Variants in DPYSL3 observed in about 807,000 individuals in gnomAD.
DPYSL3 encodes dihydropyrimidinase-related protein 3.
Under a neutral mutation model 66.1 loss-of-function variants are expected in DPYSL3, and 16 were observed. The ratio of observed to expected loss-of-function variants is 0.24; its 90% CI spans 0.16 to 0.37. The LOEUF (loss-of-function observed/expected upper bound fraction) is 0.37, where lower values mean the gene tolerates loss of function less well. Among genes scored for constraint, DPYSL3 ranks in the 10% least tolerant of loss-of-function variants. The pLI is 1.00. For missense variants in DPYSL3, 738 were observed against 916.2 expected (o/e 0.81, Z 2.51); for synonymous variants, 338 against 345.1 (o/e 0.98, Z 0.23).
At chr5:147,484,999 A>G (rs1344395885) in intron 1 of DPYSL3, among the ~76,000 whole-genome samples, 3 of 152,178 alleles carry the variant, frequency 2.0e-5, no homozygotes, top group African/African-American at 7.2e-5. Context: ...TTATATTTGT[A>G]TATTTTCCTA....
At chr5:147,420,266 A>G (rs1301539835) in intron 2 of DPYSL3, among the ~76,000 whole-genome samples, 1 of 152,166 alleles carries the variant, frequency 6.6e-6, no homozygotes, top group Non-Finnish European at 1.5e-5. Context: ...CCTCCTCCAT[A>G]GGGTTGTGCT....
intron 8 of DPYSL3, among the ~76,000 whole-genome samples, chr5:147,404,865 C>A (rs1046812585): frequency 5.9e-5 from 9 of 152,148 alleles, no homozygotes; most frequent in Non-Finnish European, 1.0e-4. Context: ...GTCTCAGTGG[C>A]TCAGGAGGTG....
At chr5:147,434,793 G>A (rs1202063751) in intron 1 of DPYSL3, among the ~76,000 whole-genome samples, 2 of 152,180 alleles carry the variant, frequency 1.3e-5, no homozygotes, top group Admixed American at 1.3e-4. Flanking sequence ...GAGCACTGAA[G>A]TGGCTCAGAG....
chr5:147,416,732 A>G (rs1332009951), intron 3 of DPYSL3, among the ~76,000 whole-genome samples: 1 of 152,196 alleles, frequency 6.6e-6, no homozygotes, highest in Non-Finnish European at 1.5e-5. Context: ...ATTCCTAGGG[A>G]AATAAATGAG....
chr5:147,420,210 C>T (rs1752051227), intron 2 of DPYSL3, among the ~76,000 whole-genome samples: 2 of 152,150 alleles, frequency 1.3e-5, no homozygotes, highest in African/African-American at 4.8e-5. Context: ...GGCCAAATTA[C>T]CTTACCATGC....
At chr5:147,488,525 T>C (rs1383189811) in intron 1 of DPYSL3, among the ~76,000 whole-genome samples, 1 of 152,128 alleles carries the variant, frequency 6.6e-6, no homozygotes, top group East Asian at 1.9e-4. Context: ...ATTACCAGCC[T>C]GGGCAACATA....
intron 5 of DPYSL3, among the ~76,000 whole-genome samples, chr5:147,413,147 T>G (rs775040456): frequency 6.6e-6 from 1 of 152,166 alleles, no homozygotes; most frequent in Non-Finnish European, 1.5e-5. Flanking sequence ...GGGAATTCAT[T>G]TCTTGTATTT....
intron 1 of DPYSL3, among the ~76,000 whole-genome samples, chr5:147,485,889 A>G (rs1328141047): frequency 6.6e-6 from 1 of 152,240 alleles, no homozygotes; most frequent in East Asian, 1.9e-4. Context: ...TAATTAATGT[A>G]AAGTGCTTTA....
intron 1 of DPYSL3, among the ~76,000 whole-genome samples, chr5:147,436,502 C>T (rs1752416677): frequency 6.6e-6 from 1 of 152,140 alleles, no homozygotes; most frequent in Non-Finnish European, 1.5e-5. Context: ...ATATTATTAA[C>T]ATTGGATGTT....
intron 6 of DPYSL3, among the ~76,000 whole-genome samples, 165 bp downstream of exon 6, chr5:147,412,443 G>A (rs1310107388): frequency 4.7e-5 from 7 of 149,020 alleles, no homozygotes; most frequent in Non-Finnish European, 7.4e-5. Context: ...ATTCCCCTCT[G>A]TTTCTTCCAC....
intron 2 of DPYSL3, among the ~76,000 whole-genome samples, chr5:147,421,100 G>T (rs1752067955): frequency 6.6e-6 from 1 of 152,170 alleles, no homozygotes; most frequent in Non-Finnish European, 1.5e-5. Context: ...TGACATAATT[G>T]TATATTTAGA....
At chr5:147,394,219 C>T in intron 13 of DPYSL3, 96 bp from the exon 14 acceptor site, 3 of 1,284,734 alleles carry the variant, frequency 2.3e-6, no homozygotes, top group Non-Finnish European at 3.3e-6. Flanking sequence ...TTTAAGAGTG[C>T]AAGATATGAA....
rs908673517 is a variant in DPYSL3 at position 147,390,836 on chromosome 5, C to T, written c.*3199G>A. 6.6e-6 allele frequency: 1 copy of T among 152,522 alleles called. No homozygotes were observed. The highest frequency in any genetic ancestry group is 1.5e-5 in the Non-Finnish European group (1 of 68,034). 9.4% of individuals were successfully genotyped at this position (152,522 alleles called of 1,614,324 possible). ...GTAATTTCATAGTTATTTTAATAAC[C>T]AGGTTTACATTAACAGTCACGTGAT... On this transcript the variant is annotated 3_prime_UTR_variant, in exon 14 of 14. Transcript: ENST00000343218.
intron 1 of DPYSL3, among the ~76,000 whole-genome samples, chr5:147,488,776 A>G (rs1248888665): frequency 6.6e-6 from 1 of 152,110 alleles, no homozygotes; most frequent in Non-Finnish European, 1.5e-5. Flanking sequence ...CCACTTTGGG[A>G]GGCCAAGGTG....
chr5:147,414,248 G>T (rs939861295), intron 4 of DPYSL3, among the ~76,000 whole-genome samples: 10 of 152,204 alleles, frequency 6.6e-5, no homozygotes, highest in African/African-American at 2.2e-4. Flanking sequence ...ACTGTGCAGG[G>T]TGTTGGATCA....
At chr5:147,412,527 G>A (rs1751874939) in intron 6 of DPYSL3, 81 bp downstream of exon 6, 1 of 1,382,688 alleles carries the variant, frequency 7.2e-7, no homozygotes, top group Admixed American at 1.9e-5. Flanking sequence ...CACATATTGA[G>A]AGCTCAAGCA....
chr5:147,474,858 T>C (rs1485917378), intron 1 of DPYSL3, among the ~76,000 whole-genome samples: 4 of 152,080 alleles, frequency 2.6e-5, no homozygotes, highest in African/African-American at 9.6e-5. Context: ...TAGAGCTGTG[T>C]AACTATCATC....
intron 1 of DPYSL3, among the ~76,000 whole-genome samples, chr5:147,429,735 A>T (rs1399079119): frequency 2.6e-5 from 4 of 152,062 alleles, no homozygotes; most frequent in Non-Finnish European, 5.9e-5. Flanking sequence ...TTCTCCTAGG[A>T]CACCGTACCA....
chr5:147,448,520 T>A (rs1561792175), intron 1 of DPYSL3, among the ~76,000 whole-genome samples: 1 of 152,278 alleles, frequency 6.6e-6, no homozygotes, highest in Non-Finnish European at 1.5e-5. Context: ...AGTCTTCTTT[T>A]ATTAATTTCC....
Sources: allele counts gnomAD v4.1 joint callset (sites outside exome capture counted in the v4.1 genomes callset), GRCh38; gene constraint gnomAD v4.1.1; transcripts MANE v1.5; gene names NCBI Gene and HGNC (gene_info 2026-07-23, HGNC 2026-07-21).